Variants in MAVS observed in about 807,000 individuals in gnomAD.
The protein encoded by MAVS is mitochondrial antiviral signaling protein, also known as mitochondrial antiviral-signaling protein.
Under a neutral mutation model 30.2 loss-of-function variants are expected in MAVS, and 20 were observed. That is an observed-to-expected ratio of 0.66 (90% CI 0.47 to 0.96). The LOEUF (loss-of-function observed/expected upper bound fraction) is 0.96. Ranked by LOEUF, MAVS falls within the 40% of genes least tolerant of loss-of-function variation. The probability of loss-of-function intolerance (pLI) is 0.00; values close to 1 mark genes in which losing one functional copy is unlikely to be tolerated. For synonymous variants in MAVS, 278 were observed against 293.9 expected (o/e 0.95, Z 0.55); for missense variants, 624 against 701.1 (o/e 0.89, Z 1.24).
At chr20:3,848,456 A>G (rs2089729300) in intron 1 of MAVS, among the ~76,000 whole-genome samples, 2 of 152,198 alleles carry the variant, frequency 1.3e-5, no homozygotes, top group Non-Finnish European at 1.5e-5. Flanking sequence ...TTGAAGGCTC[A>G]GAGGACCCCC....
At chr20:3,864,927 T>C (rs923047689) in intron 6 of MAVS, 139 bp downstream of exon 6, 10 of 1,033,890 alleles carry the variant, frequency 9.7e-6, no homozygotes, top group African/African-American at 8.0e-5. Context: ...CTTGAGGGCA[T>C]ACAGACAGTT....
In MAVS at chr20:3,873,851, C is replaced by A; in HGVS notation, c.*7704C>A. On this transcript the variant is annotated 3_prime_UTR_variant, in exon 7 of 7. Coordinates refer to ENST00000428216, the MANE Select transcript of MAVS (RefSeq NM_020746.5). ...AAGCTGGTGTGACCCTGTTGGAAAACTGGCAGTATCTACCAAAAGCCGAAC... is the reference window on the plus strand; with the variant it reads ...AAGCTGGTGTGACCCTGTTGGAAAAATGGCAGTATCTACCAAAAGCCGAAC... 2.9e-6 allele frequency: 1 copy of A among 349,314 alleles called. No homozygotes were observed. Among genetic ancestry groups the A allele is most frequent in the Non-Finnish European group, 5.1e-6 (1 of 196,730 alleles). The allele number at this position is 349,314 out of a possible 1,614,324, so 21.6% of individuals were successfully genotyped here. A position where few individuals can be genotyped will look rare whatever the true frequency, so the allele number is the denominator to read the frequency against.
Position 3,864,158 on chromosome 20 carries a change from A to C in MAVS, c.626-98A>C, listed in dbSNP as rs115779120. ...GCAGGAGATTTGGAGGCCTAGACAC[A>C]GTAGGGACCATGAGATCTGGGCCAG... On this transcript the variant is annotated intron_variant, in intron 5 of 6. Transcript: ENST00000428216. 113 of 1,329,334 alleles carry C rather than the reference A, an allele frequency of 8.5e-5. 1 individual carries two copies. Among genetic ancestry groups the C allele is most frequent in the Non-Finnish European group, 3.8e-5 (37 of 961,158 alleles). 82.3% of individuals were successfully genotyped at this position (1,329,334 alleles called of 1,614,324 possible).
In MAVS at chr20:3,871,760, CCT is replaced by C. The variant is rs1033576867; in HGVS notation, c.*5614_*5615del. 1 of 152,268 alleles carries C rather than the reference CCT, an allele frequency of 6.6e-6. No individual in the cohort carries two copies. The highest frequency in any genetic ancestry group is 2.4e-5 in the African/African-American group (1 of 41,402). 9.4% of individuals were successfully genotyped at this position (152,268 alleles called of 1,614,324 possible). Reference sequence around the variant, plus strand: ...ATCTGTGTTGAAATTGAGGCCTTCCCCTGTGTTCACCTTTCTGCTCTTTTTCT... The same window carrying C: ...ATCTGTGTTGAAATTGAGGCCTTCCCGTGTTCACCTTTCTGCTCTTTTTCT... On this transcript the variant is annotated 3_prime_UTR_variant, in exon 7 of 7. Transcript: ENST00000428216.
chr20:3,854,703 A>ATTCT lies in MAVS; in HGVS notation c.80_83dup (p.Pro29SerfsTer53). ...TTTTTGCAATGTGGATGTTGTAGAG[A>ATTCT]TTCTGCCTTACCTGCCCTGCCTCAC... On this transcript the variant is annotated frameshift_variant, in exon 2 of 7. Transcript: ENST00000428216. LOFTEE classifies it high-confidence loss of function. 1.9e-6 allele frequency: 3 copies of ATTCT among 1,613,782 alleles called. No homozygotes were observed. The highest frequency in any genetic ancestry group is 1.7e-6 in the Non-Finnish European group (2 of 1,179,858).
At chr20:3,851,220 C>T (rs902024692) in intron 1 of MAVS, among the ~76,000 whole-genome samples, 5 of 151,800 alleles carry the variant, frequency 3.3e-5, no homozygotes, top group Admixed American at 1.3e-4. Context: ...CCCAGCTACT[C>T]GGGAGGCTGA....
rs1277642927 is a variant in MAVS at position 3,874,473 on chromosome 20, G to A, written c.*8326G>A. ...TGCTTGTATTTGGCAGGGGTCAAAG[G>A]CAGGCAGGGACTGTGAAATGTTATA... On this transcript the variant is annotated 3_prime_UTR_variant, in exon 7 of 7. Transcript: ENST00000428216. 2.7e-6 allele frequency: 1 copy of A among 368,754 alleles called. No individual in the cohort carries two copies. Among genetic ancestry groups the A allele is most frequent in the Admixed American group, 4.6e-5 (1 of 21,702 alleles). 22.8% of individuals were successfully genotyped at this position (368,754 alleles called of 1,614,324 possible).
chr20:3,858,262 C>A (rs2089830433), intron 3 of MAVS, among the ~76,000 whole-genome samples: 1 of 152,046 alleles, frequency 6.6e-6, no homozygotes, highest in Non-Finnish European at 1.5e-5. Flanking sequence ...CTGGTTTACC[C>A]TGAGAGCCTT....
chr20:3,860,481 TCTC>T (rs1353964537), intron 3 of MAVS, among the ~76,000 whole-genome samples: 2 of 151,114 alleles, frequency 1.3e-5, no homozygotes, highest in Non-Finnish European at 3.0e-5. Context: ...TTCAAGCAAT[TCTC>T]CTGCCTCAGC....
Position 3,862,305 on chromosome 20 carries a change from C to A in MAVS, c.517C>A (p.Pro173Thr). The change falls in exon 5 of 7, where the codon CCA (proline) becomes ACA (threonine). Residue 173 changes from proline (P) to threonine (T), a missense_variant. Pro to Thr is a conservative substitution (Grantham distance 38). Coordinates refer to ENST00000428216, the MANE Select transcript of MAVS (RefSeq NM_020746.5). ...TLSPRAIPRNPDGGPLESSSD... is the reference protein window; with the variant it reads ...TLSPRAIPRNTDGGPLESSSD... ...CAGCCCCAGAGCCATCCCAAGGAAT[C>A]CAGATGGTGGCCCCCTGGAGTCCTC... 6.2e-7 allele frequency: 1 copy of A among 1,614,124 alleles called. No individual in the cohort carries two copies. The highest frequency in any genetic ancestry group is 8.5e-7 in the Non-Finnish European group (1 of 1,180,022).
In MAVS at chr20:3,859,520, A is replaced by AC. The variant is rs1555780518; in HGVS notation, c.292+1714dup. Reference sequence around the variant, plus strand: ...GAGACTCCGTCTCCAAAAAAAAAAAACCCAAAAATAGTGATCCCCTGAATA... The same window carrying AC: ...GAGACTCCGTCTCCAAAAAAAAAAAACCCCAAAAATAGTGATCCCCTGAATA... On this transcript the variant is annotated intron_variant, in intron 3 of 6. Transcript: ENST00000428216. Among the ~76,000 whole-genome samples the AC allele has an allele frequency of 1.9e-3, 269 of 141,806 alleles. 11 individuals carry two copies. Among genetic ancestry groups the AC allele is most frequent in the African/African-American group, 3.7e-3 (140 of 37,888 alleles). 93.0% of individuals were successfully genotyped at this position (141,806 alleles called of 152,430 possible).
At chr20:3,849,201 T>C (rs2146752930) in intron 1 of MAVS, among the ~76,000 whole-genome samples, 2 of 151,524 alleles carry the variant, frequency 1.3e-5, no homozygotes, top group Middle Eastern at 6.8e-3. Flanking sequence ...TTCCCTAGCT[T>C]GCTTGCTTTT....
intron 2 of MAVS, among the ~76,000 whole-genome samples, chr20:3,857,364 A>C (rs1412510644): frequency 6.6e-6 from 1 of 152,184 alleles, no homozygotes; most frequent in Non-Finnish European, 1.5e-5. Context: ...TAATAATGGC[A>C]TTAAATAAAG....
At position 3,867,940 on chromosome 20, in the gene MAVS, G is replaced by A. The variant is rs1397356058; in HGVS notation, c.*1793G>A. ...AGGCACAGGAGCCACCTCCATTTCT[G>A]AGCTCTGCAAGGGACAAGAACTAGA... On this transcript the variant is annotated 3_prime_UTR_variant, in exon 7 of 7. Transcript: ENST00000428216. 1.3e-5 allele frequency: 2 copies of A among 152,316 alleles called. No individual in the cohort carries two copies. The highest frequency in any genetic ancestry group is 4.8e-5 in the African/African-American group (2 of 41,410). 9.4% of individuals were successfully genotyped at this position (152,316 alleles called of 1,614,324 possible).
At chr20:3,854,881 T>G in intron 2 of MAVS, 140 bp downstream of exon 2, 1 of 495,304 alleles carries the variant, frequency 2.0e-6, no homozygotes, top group Non-Finnish European at 3.5e-6. Flanking sequence ...TCCTTGTCCT[T>G]GCTGCTTTTC....
intron 1 of MAVS, among the ~76,000 whole-genome samples, chr20:3,853,366 G>C (rs1489549038): frequency 1.3e-5 from 2 of 151,016 alleles, no homozygotes; most frequent in African/African-American, 4.9e-5. Context: ...GGCGCCTGTC[G>C]TCCCAGCTAC....
intron 1 of MAVS, among the ~76,000 whole-genome samples, chr20:3,849,745 C>T (rs1382575872): frequency 6.6e-6 from 1 of 152,150 alleles, no homozygotes; most frequent in African/African-American, 2.4e-5. Context: ...GCTTTACTTT[C>T]TTTAGAGCCT....
chr20:3,870,322 A>C lies in MAVS; in HGVS notation c.*4175A>C, dbSNP rs1210274938. 1 of 152,386 alleles carries C rather than the reference A, an allele frequency of 6.6e-6. No homozygotes were observed. The highest frequency in any genetic ancestry group is 1.5e-5 in the Non-Finnish European group (1 of 68,126). The allele number at this position is 152,386 out of a possible 1,614,324, so 9.4% of individuals were successfully genotyped here. ...CCTGCAGCAATGGTATCTGCATATTAGCCCCTCTCCACCTTCTTTCTCCCG... is the reference window on the plus strand; with the variant it reads ...CCTGCAGCAATGGTATCTGCATATTCGCCCCTCTCCACCTTCTTTCTCCCG... On this transcript the variant is annotated 3_prime_UTR_variant, in exon 7 of 7. Transcript: ENST00000428216.
chr20:3,861,393 G>GC lies in MAVS; in HGVS notation c.360dup (p.Thr121HisfsTer63), dbSNP rs763394183. 6.2e-7 allele frequency: 1 copy of GC among 1,613,980 alleles called. No homozygotes were observed. The highest frequency in any genetic ancestry group is 8.5e-7 in the Non-Finnish European group (1 of 1,179,984). On this transcript the variant is annotated frameshift_variant, in exon 4 of 7. Coordinates refer to ENST00000428216, the MANE Select transcript of MAVS (RefSeq NM_020746.5). LOFTEE classifies it high-confidence loss of function. ...CGTCACTTCCTGCTGAGAGGCCAGG[G>GC]CCCCCCACACCTGCTGCGGCCCACA... is the stretch of plus-strand genomic sequence containing the variant.
Sources: gnomAD v4.1 joint callset for allele counts (sites outside exome capture counted in the v4.1 genomes callset) on GRCh38, gnomAD v4.1.1 for gene constraint, MANE v1.5 for transcripts, NCBI Gene and HGNC (gene_info 2026-07-23, HGNC 2026-07-21) for gene names.